Variants in ASCC3 observed in about 807,000 individuals in gnomAD.
The protein encoded by ASCC3 is ASC-1 complex subunit P200.
In ASCC3, 158 loss-of-function variants were observed where a neutral mutation model predicts 256.3. The observed-to-expected ratio is 0.62, with a 90% CI of 0.54 to 0.70. The LOEUF is 0.70. ASCC3 is among the 30% of genes least tolerant of loss of function. The pLI, the probability that ASCC3 is intolerant of heterozygous loss-of-function variation, is 0.00. For missense variants in ASCC3, 2,259 were observed against 2,626.0 expected, an observed-to-expected ratio of 0.86 and a Z score of 3.05; for synonymous variants, 948 against 883.4, an observed-to-expected ratio of 1.07 and a Z score of -1.30.
chr6:100,648,181 G>A (rs1775481691), intron 20 of ASCC3, among the ~76,000 whole-genome samples: 1 of 152,080 alleles, frequency 6.6e-6, no homozygotes, highest in Non-Finnish European at 1.5e-5. Flanking sequence ...AGACTCAGTG[G>A]TCTGAGGATA....
At chr6:100,789,660 T>C (rs1769260293) in intron 8 of ASCC3, among the ~76,000 whole-genome samples, 1 of 151,910 alleles carries the variant, frequency 6.6e-6, no homozygotes, top group Admixed American at 6.6e-5. Context: ...TAAAAACGTA[T>C]AAGTTTAGAA....
intron 3 of ASCC3, among the ~76,000 whole-genome samples, chr6:100,854,191 A>G (rs1313194129): frequency 6.6e-6 from 1 of 151,070 alleles, no homozygotes; most frequent in Non-Finnish European, 1.5e-5. Flanking sequence ...GTATTAAACC[A>G]TCTTTCAAAT....
intron 36 of ASCC3, among the ~76,000 whole-genome samples, chr6:100,557,056 T>C (rs1029572665): frequency 6.6e-6 from 1 of 152,176 alleles, no homozygotes. Flanking sequence ...TTTAGACATG[T>C]TGAGTATGTT....
At chr6:100,534,039 T>C (rs1433882796) in intron 37 of ASCC3, among the ~76,000 whole-genome samples, 1 of 152,194 alleles carries the variant, frequency 6.6e-6, no homozygotes, top group Non-Finnish European at 1.5e-5. Flanking sequence ...TCCTAGAAGT[T>C]TGAGACAAGA....
intron 36 of ASCC3, among the ~76,000 whole-genome samples, chr6:100,542,467 G>A (rs1775508287): frequency 6.6e-6 from 1 of 152,128 alleles, no homozygotes; most frequent in South Asian, 2.1e-4. Flanking sequence ...CGGATCACGA[G>A]GTCAAGAGAT....
chr6:100,770,286 C>A (rs1781856118), intron 8 of ASCC3, among the ~76,000 whole-genome samples: 1 of 151,862 alleles, frequency 6.6e-6, no homozygotes, highest in South Asian at 2.1e-4. Context: ...TGGTCTTAAT[C>A]TTAGCAAACT....
rs1417065171 is a variant in ASCC3, at chr6:100,508,495, TA to T, written c.*890del. Reference sequence around the variant, plus strand: ...TTTATTACAGGTGAAAACCTATCCATAGGGGTGAAAAATTTTCTGTCTCAGA... The same window carrying T: ...TTTATTACAGGTGAAAACCTATCCATGGGGTGAAAAATTTTCTGTCTCAGA... On this transcript the variant is annotated 3_prime_UTR_variant, in exon 42 of 42. Coordinates refer to ENST00000369162, the MANE Select transcript of ASCC3 (RefSeq NM_006828.4). 6.6e-6 allele frequency: 1 copy of T among 152,138 alleles called. No homozygotes were observed. The highest frequency in any genetic ancestry group is 1.5e-5 in the Non-Finnish European group (1 of 67,992). 9.4% of individuals were successfully genotyped at this position (152,138 alleles called of 1,614,324 possible).
chr6:100,611,367 A>G (rs1487953485), intron 30 of ASCC3, among the ~76,000 whole-genome samples: 1 of 152,092 alleles, frequency 6.6e-6, no homozygotes, highest in African/African-American at 2.4e-5. Flanking sequence ...GCCTATACAA[A>G]TTTGAAAATC....
At chr6:100,580,713 C>G (rs1047711242) in intron 36 of ASCC3, among the ~76,000 whole-genome samples, 1 of 151,266 alleles carries the variant, frequency 6.6e-6, no homozygotes. Context: ...GGTATATCTC[C>G]CAATGCTATC....
At chr6:100,877,873 T>A (rs375761099) in intron 1 of ASCC3, among the ~76,000 whole-genome samples, 23 of 152,342 alleles carry the variant, frequency 1.5e-4, no homozygotes, top group African/African-American at 4.8e-4. Context: ...GATTCTAGTT[T>A]TTAACACTTT....
At chr6:100,766,422 A>G in intron 10 of ASCC3, 143 bp downstream of exon 10, 4 of 884,930 alleles carry the variant, frequency 4.5e-6, no homozygotes, top group Non-Finnish European at 7.0e-6. Context: ...TAGTACAGAG[A>G]CAAGATGTGG....
chr6:100,646,438 G>A (rs1257059516), intron 22 of ASCC3, among the ~76,000 whole-genome samples, 177 bp downstream of exon 22: 1 of 152,068 alleles, frequency 6.6e-6, no homozygotes, highest in African/African-American at 2.4e-5. Context: ...AGCCTCCCGA[G>A]TAGCTGGGAC....
chr6:100,729,358 C>A (rs982470588), intron 10 of ASCC3, among the ~76,000 whole-genome samples: 2 of 152,154 alleles, frequency 1.3e-5, no homozygotes, highest in African/African-American at 2.4e-5. Context: ...CTTGAACAAA[C>A]TTCTAGAAGA....
Position 100,842,503 on chromosome 6 carries a change from C to T in ASCC3, c.801+5645G>A, listed in dbSNP as rs139890453. 1.8e-4 allele frequency among the ~76,000 whole-genome samples: 27 copies of T among 152,108 alleles called. No individual in the cohort carries two copies. In the East Asian group the frequency reaches 5.2e-3, roughly 29 times the overall value. ...GTGTGATATCAGAATATACTGAATG[C>T]AAAAGTATATATGGGAATCTAGCTG... is the stretch of plus-strand genomic sequence containing the variant. On this transcript the variant is annotated intron_variant, in intron 4 of 41. Transcript: ENST00000369162.
intron 10 of ASCC3, among the ~76,000 whole-genome samples, chr6:100,745,094 C>T (rs530025469): frequency 1.8e-4 from 27 of 152,138 alleles, no homozygotes; most frequent in African/African-American, 6.3e-4. Context: ...TTTGGGAGGC[C>T]GAGGCAGGCG....
At chr6:100,748,945 A>G (rs1472549143) in intron 10 of ASCC3, among the ~76,000 whole-genome samples, 1 of 151,794 alleles carries the variant, frequency 6.6e-6, no homozygotes, top group East Asian at 1.9e-4. Flanking sequence ...AGGGGACCAG[A>G]CCCAAGGAAT....
chr6:100,808,424 A>C (rs1770296000), intron 4 of ASCC3, among the ~76,000 whole-genome samples: 1 of 151,940 alleles, frequency 6.6e-6, no homozygotes, highest in Admixed American at 6.6e-5. Flanking sequence ...TCAAAAAAGA[A>C]TATTAAAAAT....
intron 37 of ASCC3, among the ~76,000 whole-genome samples, chr6:100,533,542 T>C (rs756305795): frequency 2.6e-5 from 4 of 152,220 alleles, no homozygotes; most frequent in African/African-American, 4.8e-5. Context: ...CTAGCCTCTA[T>C]GACTTCTGAA....
intron 13 of ASCC3, among the ~76,000 whole-genome samples, chr6:100,691,330 A>G (rs1468258283): frequency 1.3e-5 from 2 of 152,042 alleles, no homozygotes; most frequent in Admixed American, 1.3e-4. Context: ...AAAACAGTAA[A>G]TATTTTGAAT....
Sources: gnomAD v4.1 joint callset for allele counts (sites outside exome capture counted in the v4.1 genomes callset) on GRCh38, gnomAD v4.1.1 for gene constraint, MANE v1.5 for transcripts, NCBI Gene and HGNC (gene_info 2026-07-23, HGNC 2026-07-21) for gene names.